PEMT: variants seen among roughly 807,000 people sequenced by gnomAD.
PEMT encodes phosphatidylethanolamine N-methyltransferase.
PEMT carries 23 observed loss-of-function variants against 27.4 expected under a neutral mutation model. The ratio of observed to expected loss-of-function variants is 0.84; its 90% CI spans 0.60 to 1.19. The LOEUF is 1.19. Ranked by LOEUF, PEMT falls within the 50% of genes most tolerant of loss-of-function variation. PEMT has a pLI of 0.00. For synonymous variants in PEMT, 137 were observed against 139.1 expected (o/e 0.98, Z 0.11); for missense variants, 307 against 310.1 (o/e 0.99, Z 0.07).
intron 2 of PEMT, among the ~76,000 whole-genome samples, chr17:17,525,420 C>T (rs1220633242): frequency 6.6e-6 from 1 of 152,216 alleles, no homozygotes; most frequent in African/African-American, 2.4e-5. Flanking sequence ...TCCTTCCCTG[C>T]CTGGCAGCAC....
chr17:17,521,120 C>T (rs1255878835), intron 3 of PEMT, among the ~76,000 whole-genome samples: 1 of 152,264 alleles, frequency 6.6e-6, no homozygotes, highest in Non-Finnish European at 1.5e-5. Context: ...GCGCCCCATC[C>T]AAAGGGGGCA....
intron 2 of PEMT, among the ~76,000 whole-genome samples, chr17:17,540,251 G>T (rs1198831939): frequency 2.6e-5 from 4 of 152,164 alleles, no homozygotes; most frequent in Non-Finnish European, 5.9e-5. Context: ...TCCCTCCCCC[G>T]ACAGAAGACC....
intron 5 of PEMT, chr17:17,508,929 C>T (rs939660744): frequency 6.2e-6 from 2 of 322,344 alleles, no homozygotes; most frequent in Non-Finnish European, 1.2e-5. Flanking sequence ...GAAGATGGGT[C>T]GGGTGGTCCC....
At chr17:17,586,289 A>G (rs561902595) in intron 1 of PEMT, among the ~76,000 whole-genome samples, 861 of 63,320 alleles carry the variant, frequency 0.014, 26 homozygotes, top group African/African-American at 0.073. Flanking sequence ...AGAAAGAAAG[A>G]AAAAAAAAAA....
intron 2 of PEMT, among the ~76,000 whole-genome samples, chr17:17,566,284 C>T (rs1404736746): frequency 1.3e-5 from 2 of 152,148 alleles, no homozygotes; most frequent in Admixed American, 6.5e-5. Flanking sequence ...AACAGCCAAG[C>T]GGGTTGTGCG....
At chr17:17,518,670 G>C (rs1907036371) in intron 3 of PEMT, among the ~76,000 whole-genome samples, 1 of 152,200 alleles carries the variant, frequency 6.6e-6, no homozygotes, top group Non-Finnish European at 1.5e-5. Context: ...CCCAGGCTTG[G>C]CTCAAGCACG....
intron 2 of PEMT, among the ~76,000 whole-genome samples, chr17:17,572,958 G>A (rs572487418): frequency 4.5e-4 from 66 of 148,092 alleles, no homozygotes; most frequent in African/African-American, 1.5e-3. Flanking sequence ...GGAGGCCAAC[G>A]CGGGCAGATC....
intron 1 of PEMT, among the ~76,000 whole-genome samples, chr17:17,590,326 G>C (rs1912527314): frequency 6.6e-6 from 1 of 152,184 alleles, no homozygotes; most frequent in South Asian, 2.1e-4. Context: ...ATCTCCTCCT[G>C]TGCCTCCTGG....
Position 17,507,315 on chromosome 17 carries a change from T to C in PEMT, c.579-1014A>G. 3.7e-6 allele frequency: 3 copies of C among 819,966 alleles called. No homozygotes were observed. In the South Asian group the frequency reaches 4.4e-5, roughly 12 times the overall value. The allele number at this position is 819,966 out of a possible 1,614,324, so 50.8% of individuals were successfully genotyped here. A position where few individuals can be genotyped will look rare whatever the true frequency, so the allele number is the denominator to read the frequency against. On this transcript the variant is annotated intron_variant, in intron 5 of 6. Coordinates refer to ENST00000255389, the MANE Select transcript of PEMT (RefSeq NM_148172.3). ...GCCTGGGCCAGGGGCTGTGCCCTCC[T>C]TGGCTGCCCCTGTGCCAAGCTGCCC...
At chr17:17,552,256 G>T (rs1597922198) in intron 2 of PEMT, among the ~76,000 whole-genome samples, 1 of 149,606 alleles carries the variant, frequency 6.7e-6, no homozygotes, top group African/African-American at 2.5e-5. Context: ...AGGTGGCAGT[G>T]AGCCGAGATC....
intron 2 of PEMT, among the ~76,000 whole-genome samples, chr17:17,572,782 T>C (rs1242587724): frequency 6.6e-6 from 1 of 152,248 alleles, no homozygotes; most frequent in African/African-American, 2.4e-5. Context: ...AAAGGGGATA[T>C]TAACAGCATT....
intron 2 of PEMT, among the ~76,000 whole-genome samples, chr17:17,548,749 T>C (rs1051698916): frequency 2.0e-5 from 3 of 152,160 alleles, no homozygotes; most frequent in Non-Finnish European, 4.4e-5. Flanking sequence ...GGTTTCTCCA[T>C]GTTGAGGCTG....
intron 2 of PEMT, among the ~76,000 whole-genome samples, chr17:17,569,573 T>A (rs1008576374): frequency 6.6e-6 from 1 of 152,180 alleles, no homozygotes; most frequent in African/African-American, 2.4e-5. Flanking sequence ...CCCGTGTGCA[T>A]CTGCCGTCTT....
intron 2 of PEMT, among the ~76,000 whole-genome samples, chr17:17,541,849 C>T (rs1908909173): frequency 1.3e-5 from 2 of 152,358 alleles, no homozygotes; most frequent in South Asian, 4.1e-4. Flanking sequence ...CGGCTGCTAC[C>T]CCTGGCCCCA....
intron 2 of PEMT, among the ~76,000 whole-genome samples, chr17:17,564,014 G>A (rs1431252336): frequency 6.6e-6 from 1 of 151,380 alleles, no homozygotes; most frequent in African/African-American, 2.4e-5. Flanking sequence ...CTTTAGGCCT[G>A]GCTGTCCCCT....
intron 2 of PEMT, among the ~76,000 whole-genome samples, chr17:17,571,561 G>C (rs756149453): frequency 2.2e-4 from 33 of 152,158 alleles, no homozygotes; most frequent in Non-Finnish European, 4.0e-4. Flanking sequence ...CTGATGAGCA[G>C]AAGCGGGCAG....
At chr17:17,542,196 G>T (rs973372343) in intron 2 of PEMT, among the ~76,000 whole-genome samples, 2 of 151,200 alleles carry the variant, frequency 1.3e-5, no homozygotes, top group African/African-American at 4.9e-5. Context: ...GGCCAGGCTG[G>T]TCTCAAACTC....
intron 2 of PEMT, among the ~76,000 whole-genome samples, chr17:17,549,317 G>A (rs143293117): frequency 0.061 from 9,217 of 152,234 alleles, 390 homozygotes; most frequent in East Asian, 0.14. Context: ...AGCCTCCTGA[G>A]TAGCTGGGAC....
At position 17,523,518 on chromosome 17, in the gene PEMT, A is replaced by G. The variant is rs1412336307; in HGVS notation, c.205-1123T>C. On this transcript the variant is annotated intron_variant, in intron 2 of 6. Transcript: ENST00000255389. The surrounding 1 kb of genome is among the most constrained non-coding windows in gnomAD (Gnocchi z 4.8). ...CAGATGGCGGGGGGCAGGGTATGCC[A>G]AAGTTTACAGGAAGGAGAAGTGAAG... 6.6e-6 allele frequency among the ~76,000 whole-genome samples: 1 copy of G among 152,046 alleles called. No homozygotes were observed. The highest frequency in any genetic ancestry group is 1.5e-5 in the Non-Finnish European group (1 of 67,990).
Sources: allele counts gnomAD v4.1 joint callset (sites outside exome capture counted in the v4.1 genomes callset), GRCh38; gene constraint gnomAD v4.1.1; non-coding constraint Gnocchi (gnomAD v3.1); transcripts MANE v1.5; gene names NCBI Gene and HGNC (gene_info 2026-07-23, HGNC 2026-07-21).